Variants in SLC7A1 observed in about 807,000 individuals in gnomAD.
The protein encoded by SLC7A1 is solute carrier family 7 member 1.
Under a neutral mutation model 53.9 loss-of-function variants are expected in SLC7A1, and 10 were observed. The ratio of observed to expected loss-of-function variants is 0.19; its 90% CI spans 0.11 to 0.31. SLC7A1 has a LOEUF of 0.31. Among genes scored for constraint, SLC7A1 ranks in the 10% least tolerant of loss-of-function variants. The pLI, the probability that SLC7A1 is intolerant of heterozygous loss-of-function variation, is 1.00. For synonymous variants in SLC7A1, 342 were observed against 338.7 expected (o/e 1.01, Z -0.11); for missense variants, 525 against 827.2 (o/e 0.63, Z 4.48).
intron 4 of SLC7A1, among the ~76,000 whole-genome samples, chr13:29,531,259 G>T (rs1381786904): frequency 1.3e-5 from 2 of 151,986 alleles, no homozygotes; most frequent in Non-Finnish European, 2.9e-5. Flanking sequence ...TTCTTCGTTG[G>T]ACTCAGTGCA....
At chr13:29,548,336 G>A (rs1245578268) in intron 2 of SLC7A1, among the ~76,000 whole-genome samples, 1 of 152,194 alleles carries the variant, frequency 6.6e-6, no homozygotes. Flanking sequence ...TGAATTTTGC[G>A]GTTCACCCCT....
intron 2 of SLC7A1, among the ~76,000 whole-genome samples, chr13:29,540,816 A>C (rs1869631566): frequency 6.6e-6 from 1 of 152,236 alleles, no homozygotes; most frequent in South Asian, 2.1e-4. Context: ...CGCAGGAGAA[A>C]GACTGTGGTC....
intron 1 of SLC7A1, among the ~76,000 whole-genome samples, chr13:29,571,688 T>C (rs1042322575): frequency 1.3e-5 from 2 of 152,222 alleles, no homozygotes; most frequent in African/African-American, 4.8e-5. Flanking sequence ...TCCAATTTCT[T>C]CCACTCTGAA....
At chr13:29,575,897 T>C (rs1412421633) in intron 1 of SLC7A1, among the ~76,000 whole-genome samples, 1 of 152,184 alleles carries the variant, frequency 6.6e-6, no homozygotes, top group Admixed American at 6.5e-5. Context: ...AAAGTACATC[T>C]TTTATTAATT....
intron 1 of SLC7A1, among the ~76,000 whole-genome samples, chr13:29,591,949 T>C (rs1019970855): frequency 2.6e-5 from 4 of 152,190 alleles, no homozygotes; most frequent in African/African-American, 9.6e-5. Context: ...CAAAGAACAC[T>C]GTGGACTCCA....
chr13:29,586,686 TAAGGAAA>T (rs1871898970), intron 1 of SLC7A1: 1 of 152,004 alleles, frequency 6.6e-6, no homozygotes, highest in Admixed American at 6.6e-5. Flanking sequence ...TTCAGAGCCT[TAAGGAAA>T]AAGAAGAAAA....
intron 8 of SLC7A1, among the ~76,000 whole-genome samples, chr13:29,521,158 GTCACTC>G: frequency 6.6e-6 from 1 of 152,236 alleles, no homozygotes; most frequent in Non-Finnish European, 1.5e-5. Flanking sequence ...GACCACTGTG[GTCACTC>G]TCAAGAGCAT....
At chr13:29,573,244 G>A (rs1871273050) in intron 1 of SLC7A1, among the ~76,000 whole-genome samples, 1 of 152,106 alleles carries the variant, frequency 6.6e-6, no homozygotes. Flanking sequence ...CTTGCCACAT[G>A]TCCTGTGTCC....
At chr13:29,556,239 G>A (rs1027025970) in intron 1 of SLC7A1, among the ~76,000 whole-genome samples, 3 of 151,788 alleles carry the variant, frequency 2.0e-5, no homozygotes, top group Non-Finnish European at 4.4e-5. Flanking sequence ...GTAAAACAAT[G>A]CCACTCTTCT....
At chr13:29,536,483 ACT>A (rs1869426965) in intron 2 of SLC7A1, among the ~76,000 whole-genome samples, 1 of 152,062 alleles carries the variant, frequency 6.6e-6, no homozygotes, top group African/African-American at 2.4e-5. Flanking sequence ...CTTAATGGAG[ACT>A]CTTCCATGGG....
At chr13:29,576,722 GA>G (rs755917367) in intron 1 of SLC7A1, among the ~76,000 whole-genome samples, 20 of 148,076 alleles carry the variant, frequency 1.4e-4, no homozygotes, top group Non-Finnish European at 2.2e-4. Context: ...GAATGAGGAG[GA>G]AAAAAAAAAG....
intron 1 of SLC7A1, among the ~76,000 whole-genome samples, chr13:29,591,683 T>G (rs2139196944): frequency 6.6e-6 from 1 of 152,308 alleles, no homozygotes; most frequent in Non-Finnish European, 1.5e-5. Flanking sequence ...CCATGCCCTC[T>G]GTGCCCCCAG....
chr13:29,578,743 T>A (rs1285399683), intron 1 of SLC7A1, among the ~76,000 whole-genome samples: 4 of 152,212 alleles, frequency 2.6e-5, no homozygotes, highest in African/African-American at 7.2e-5. Context: ...CCACTAAGGA[T>A]CCACCAATGC....
At chr13:29,557,250 G>A (rs750450130) in intron 1 of SLC7A1, among the ~76,000 whole-genome samples, 1 of 152,178 alleles carries the variant, frequency 6.6e-6, no homozygotes, top group Non-Finnish European at 1.5e-5. Context: ...GGGGTACGTG[G>A]GGACTATAAA....
At chr13:29,520,190 T>C (rs1211225280) in intron 8 of SLC7A1, among the ~76,000 whole-genome samples, 1 of 152,160 alleles carries the variant, frequency 6.6e-6, no homozygotes, top group Admixed American at 6.5e-5. Context: ...TCTATCCATC[T>C]ACCCATCTTC....
At position 29,530,537 on chromosome 13, in the gene SLC7A1, C is replaced by T. The variant is rs776224888; in HGVS notation, c.704+1G>A. Reference sequence around the variant, plus strand: ...AAAAATGGTCAGAAGCAGCAACTCACTTGTTCAAACAGAGACGGCCTGATG... The same window carrying T: ...AAAAATGGTCAGAAGCAGCAACTCATTTGTTCAAACAGAGACGGCCTGATG... On this transcript the variant is annotated splice_donor_variant, in intron 5 of 12. Coordinates refer to ENST00000380752, the MANE Select transcript of SLC7A1 (RefSeq NM_003045.5). LOFTEE classifies it high-confidence loss of function. 6.2e-7 allele frequency: 1 copy of T among 1,613,626 alleles called. No individual in the cohort carries two copies. The highest frequency in any genetic ancestry group is 8.5e-7 in the Non-Finnish European group (1 of 1,179,692).
At position 29,530,645 on chromosome 13, in the gene SLC7A1, C is replaced by A; in HGVS notation, c.597G>T (p.Leu199=). The change falls in exon 5 of 13, where the codon CTG becomes CTT. Residue 199 remains leucine, a synonymous_variant. Transcript: ENST00000380752. ...CTGACACCATTATGAAGCCCAGGAC[C>A]AGGACGTTAATACAAGTGAATATTT... The part of the protein sequence containing the change: ...VNKIFTCINV[L]VLGFIMVSGF... 1.2e-6 allele frequency: 2 copies of A among 1,614,078 alleles called. No homozygotes were observed. Among genetic ancestry groups the A allele is most frequent in the Non-Finnish European group, 1.7e-6 (2 of 1,179,946 alleles).
Position 29,574,758 on chromosome 13 carries a change from C to A in SLC7A1, c.-115+20658G>T, listed in dbSNP as rs567136718. Among the ~76,000 whole-genome samples the A allele has an allele frequency of 2.1e-3, 313 of 151,636 alleles. 1 individual carries two copies. The highest frequency in any genetic ancestry group is 3.5e-3 in the Non-Finnish European group (239 of 67,946). ...CTCCTGGGTTCACGCCATTCCCCTG[C>A]CTCAGCCTCCCAAGTAGCTGGGACT... On this transcript the variant is annotated intron_variant, in intron 1 of 12. Coordinates refer to ENST00000380752, the MANE Select transcript of SLC7A1 (RefSeq NM_003045.5).
chr13:29,546,394 T>C (rs1869925059), intron 2 of SLC7A1, among the ~76,000 whole-genome samples: 1 of 152,258 alleles, frequency 6.6e-6, no homozygotes, highest in South Asian at 2.1e-4. Flanking sequence ...ACTGGCACTT[T>C]AATTTTCTGA....
Sources: allele counts gnomAD v4.1 joint callset (sites outside exome capture counted in the v4.1 genomes callset), GRCh38; gene constraint gnomAD v4.1.1; transcripts MANE v1.5; gene names NCBI Gene and HGNC (gene_info 2026-07-23, HGNC 2026-07-21).